The following FOXO3 variants were observed in gnomAD, a reference collection of about 807,000 sequenced individuals.
FOXO3 encodes forkhead box protein O3.
Under a neutral mutation model 41.9 loss-of-function variants are expected in FOXO3, and 4 were observed. The observed-to-expected ratio is 0.10, with a 90% CI of 0.05 to 0.22. The LOEUF is 0.22. Among genes scored for constraint, FOXO3 ranks in the 10% least tolerant of loss-of-function variants. The probability of loss-of-function intolerance (pLI) is 1.00; values close to 1 mark genes in which losing one functional copy is unlikely to be tolerated. For synonymous variants in FOXO3, 318 were observed against 389.3 expected, an observed-to-expected ratio of 0.82 and a Z score of 2.16; for missense variants, 534 against 906.8, an observed-to-expected ratio of 0.59 and a Z score of 5.28.
intron 1 of FOXO3, among the ~76,000 whole-genome samples, chr6:108,618,852 C>T (rs1245697605): frequency 2.0e-5 from 3 of 152,136 alleles, no homozygotes; most frequent in Admixed American, 6.5e-5. Context: ...CAATTCTAGC[C>T]GTTTTGGCCT....
intron 2 of FOXO3, among the ~76,000 whole-genome samples, chr6:108,673,449 G>A (rs1338510056): frequency 6.6e-6 from 1 of 152,250 alleles, no homozygotes. Context: ...GCACTGGTGT[G>A]ATGGTTGTTA....
chr6:108,606,882 A>G (rs560769275), intron 1 of FOXO3, among the ~76,000 whole-genome samples: 84 of 152,362 alleles, frequency 5.5e-4, no homozygotes, highest in Middle Eastern at 3.4e-3. Flanking sequence ...TGGGGGTCCC[A>G]TAAAGATGCA....
chr6:108,634,485 C>G (rs1183963809), intron 1 of FOXO3, among the ~76,000 whole-genome samples: 2 of 152,180 alleles, frequency 1.3e-5, no homozygotes, highest in African/African-American at 4.8e-5. Flanking sequence ...GCTGGCATTC[C>G]TCTTTGCCTG....
intron 1 of FOXO3, among the ~76,000 whole-genome samples, chr6:108,619,133 T>G (rs1029288809): frequency 2.0e-5 from 3 of 152,180 alleles, no homozygotes; most frequent in African/African-American, 7.2e-5. Flanking sequence ...CCATAATAAA[T>G]ATGATGCCAA....
intron 2 of FOXO3, among the ~76,000 whole-genome samples, chr6:108,668,912 G>A (rs112149940): frequency 6.5e-4 from 99 of 152,250 alleles, no homozygotes; most frequent in Admixed American, 1.1e-3. Context: ...GGATCATGAG[G>A]TCAGGAGATC....
chr6:108,632,335 A>G (rs1777994928), intron 1 of FOXO3, among the ~76,000 whole-genome samples: 1 of 152,170 alleles, frequency 6.6e-6, no homozygotes, highest in South Asian at 2.1e-4. Context: ...GTCAACAGCC[A>G]GTTTCTCTGT....
chr6:108,650,955 C>G (rs1778532782), intron 1 of FOXO3, among the ~76,000 whole-genome samples: 1 of 152,134 alleles, frequency 6.6e-6, no homozygotes, highest in African/African-American at 2.4e-5. Context: ...TCATCAGCCG[C>G]TTTTGCATCC....
intron 1 of FOXO3, chr6:108,618,031 A>C: frequency 1.5e-6 from 1 of 670,876 alleles, no homozygotes; most frequent in Non-Finnish European, 2.8e-6. Flanking sequence ...CTGTTGGAAC[A>C]CGTCAATCGT....
chr6:108,622,335 C>T (rs949887969), intron 1 of FOXO3, among the ~76,000 whole-genome samples: 3 of 149,154 alleles, frequency 2.0e-5, no homozygotes, highest in East Asian at 2.0e-4. Context: ...GTCAGGAGAG[C>T]GAAGCTTTCT....
chr6:108,615,464 A>G (rs1002680352), intron 1 of FOXO3, among the ~76,000 whole-genome samples: 12 of 151,194 alleles, frequency 7.9e-5, no homozygotes, highest in Admixed American at 5.3e-4. Flanking sequence ...TGCTCATTCT[A>G]TATTTCTCTT....
rs542567626 is a variant in FOXO3 at position 108,574,168 on chromosome 6, A to G, written c.621+12339A>G. Among the ~76,000 whole-genome samples the G allele has an allele frequency of 2.6e-5, 4 of 151,940 alleles. No individual in the cohort carries two copies. The East Asian group carries it at 7.7e-4, about 29-fold the overall frequency. On this transcript the variant is annotated intron_variant, in intron 1 of 2. Coordinates refer to ENST00000406360, the MANE Select transcript of FOXO3 (RefSeq NM_001455.4). ...ACTCTGTCTCAAAAAAAAAAAAAAA[A>G]AAAAGAAGAATTAGCGCGTACCTGG...
chr6:108,649,059 C>T (rs910166287), intron 1 of FOXO3, among the ~76,000 whole-genome samples: 1 of 151,218 alleles, frequency 6.6e-6, no homozygotes, highest in African/African-American at 2.4e-5. Context: ...CAGATTTGCC[C>T]CTACCAGACG....
chr6:108,662,990 C>T (rs952014434), intron 1 of FOXO3, among the ~76,000 whole-genome samples: 5 of 152,164 alleles, frequency 3.3e-5, no homozygotes, highest in African/African-American at 1.2e-4. Context: ...TTTAACATGT[C>T]ATTTTATTCT....
chr6:108,672,777 G>T (rs115229850), intron 2 of FOXO3, among the ~76,000 whole-genome samples: 1 of 151,244 alleles, frequency 6.6e-6, no homozygotes, highest in African/African-American at 2.4e-5. Flanking sequence ...CTTTCTCTCC[G>T]TCTCCCTTCC....
intron 1 of FOXO3, among the ~76,000 whole-genome samples, chr6:108,652,965 G>A (rs1350778811): frequency 2.6e-5 from 4 of 152,112 alleles, no homozygotes; most frequent in South Asian, 2.1e-4. Context: ...TTGCTCCACC[G>A]AGTAGCACAC....
chr6:108,560,838 C>T (rs1197961296), upstream of FOXO3: 1 of 563,912 alleles, frequency 1.8e-6, no homozygotes, highest in Non-Finnish European at 2.6e-6. Flanking sequence ...GGACCTGCGG[C>T]TGGGCGGCGG....
intron 1 of FOXO3, among the ~76,000 whole-genome samples, chr6:108,597,608 A>T (rs1776921741): frequency 6.6e-6 from 1 of 152,184 alleles, no homozygotes; most frequent in Non-Finnish European, 1.5e-5. Flanking sequence ...CTTTGATTCC[A>T]TTACACATTG....
intron 1 of FOXO3, among the ~76,000 whole-genome samples, chr6:108,581,243 C>G (rs184780067): frequency 1.2e-4 from 19 of 152,198 alleles, no homozygotes; most frequent in African/African-American, 4.3e-4. Flanking sequence ...GTGACTGTAA[C>G]AGGCAGATGT....
chr6:108,574,840 G>GA (rs1182187114), intron 1 of FOXO3, among the ~76,000 whole-genome samples: 1 of 152,118 alleles, frequency 6.6e-6, no homozygotes, highest in Non-Finnish European at 1.5e-5. Flanking sequence ...GTGTATGTTG[G>GA]AAAAAAATTA....
Sources: gnomAD v4.1 joint callset for allele counts (sites outside exome capture counted in the v4.1 genomes callset) on GRCh38, gnomAD v4.1.1 for gene constraint, MANE v1.5 for transcripts, NCBI Gene and HGNC (gene_info 2026-07-23, HGNC 2026-07-21) for gene names.